Variants in ZDHHC21 observed in about 807,000 individuals in gnomAD.
ZDHHC21 encodes the protein zDHHC palmitoyltransferase 21.
Under a neutral mutation model 34.6 loss-of-function variants are expected in ZDHHC21, and 15 were observed. The ratio of observed to expected loss-of-function variants is 0.43; its 90% CI spans 0.29 to 0.67. ZDHHC21 has a LOEUF of 0.67. Ranked by LOEUF, ZDHHC21 falls within the 30% of genes least tolerant of loss-of-function variation. The probability of loss-of-function intolerance (pLI) is 0.14; values close to 1 mark genes in which losing one functional copy is unlikely to be tolerated. For missense variants in ZDHHC21, 344 were observed against 327.7 expected, an observed-to-expected ratio of 1.05 and a Z score of -0.38; for synonymous variants, 142 against 101.8, an observed-to-expected ratio of 1.40 and a Z score of -2.38.
At chr9:14,686,126 C>G (rs1262307392) in intron 2 of ZDHHC21, among the ~76,000 whole-genome samples, 2 of 151,548 alleles carry the variant, frequency 1.3e-5, no homozygotes, top group Non-Finnish European at 2.9e-5. Flanking sequence ...ATGGGTGCAG[C>G]AAATCAACAT....
rs145823995 is a variant in ZDHHC21 at position 14,616,616 on chromosome 9, T to C, written c.*2350A>G. 2.6e-5 allele frequency: 4 copies of C among 151,922 alleles called. No homozygotes were observed. The highest frequency in any genetic ancestry group is 6.6e-5 in the Admixed American group (1 of 15,214). 9.4% of individuals were successfully genotyped at this position (151,922 alleles called of 1,614,324 possible). The stretch of plus-strand genomic sequence containing the variant: ...GTAGATATGCTTAGCAAACTGCCAG[T>C]TGGTTTTTCTCTAGTAGTCTAATAA... On this transcript the variant is annotated 3_prime_UTR_variant, in exon 10 of 10. Transcript: ENST00000380916.
At chr9:14,663,976 G>C (rs191002351) in intron 5 of ZDHHC21, among the ~76,000 whole-genome samples, 3 of 152,204 alleles carry the variant, frequency 2.0e-5, no homozygotes, top group South Asian at 2.1e-4. Context: ...AAACATCCCA[G>C]TGTTAAAACT....
intron 7 of ZDHHC21, among the ~76,000 whole-genome samples, chr9:14,656,564 G>A (rs1305065394): frequency 6.6e-6 from 1 of 151,786 alleles, no homozygotes; most frequent in East Asian, 1.9e-4. Flanking sequence ...CATAATCTGA[G>A]TTTTCATTTC....
intron 8 of ZDHHC21, among the ~76,000 whole-genome samples, chr9:14,623,138 A>T (rs72704911): frequency 0.12 from 17,084 of 146,788 alleles, 1,029 homozygotes; most frequent in Non-Finnish European, 0.15. Context: ...GGTAAGACAT[A>T]AAAAAAAAAG....
At chr9:14,653,722 T>C (rs1831667105) in intron 7 of ZDHHC21, among the ~76,000 whole-genome samples, 1 of 152,010 alleles carries the variant, frequency 6.6e-6, no homozygotes, top group Non-Finnish European at 1.5e-5. Flanking sequence ...ACTGTTTACA[T>C]AGACTATGAT....
Position 14,662,235 on chromosome 9 carries a change from TCTC to T in ZDHHC21, c.342_344del (p.Arg115del). ...CTTACCATGGACAGTGATGATCCAT[TCTC>T]CTCACACAGTGGCCGCAGCGGCTAC... On this transcript the variant is annotated inframe_deletion, in exon 6 of 10. Transcript: ENST00000380916. The T allele has an allele frequency of 6.2e-7, 1 of 1,611,092 alleles. No homozygotes were observed. The highest frequency in any genetic ancestry group is 8.5e-7 in the Non-Finnish European group (1 of 1,178,720).
chr9:14,589,282 G>C, the ZDHHC21 span: 9 of 152,106 alleles, frequency 5.9e-5, no homozygotes, highest in African/African-American at 1.7e-4. Flanking sequence ...CCTGTAACAA[G>C]AAAGAATTGG....
chr9:14,612,526 T>C lies in ZDHHC21; in HGVS notation c.*6440A>G, dbSNP rs1021549361. The C allele has an allele frequency of 1.3e-5, 2 of 152,122 alleles. No individual in the cohort carries two copies. Among genetic ancestry groups the C allele is most frequent in the East Asian group, 1.9e-4 (1 of 5,182 alleles). 9.4% of individuals were successfully genotyped at this position (152,122 alleles called of 1,614,324 possible). Reference sequence around the variant, plus strand: ...ACTTAAAGGGTGTTTCTCTTCATTTTTGTAAAATTAACTACTAAGCAAAAT... The same window carrying C: ...ACTTAAAGGGTGTTTCTCTTCATTTCTGTAAAATTAACTACTAAGCAAAAT... On this transcript the variant is annotated 3_prime_UTR_variant, in exon 10 of 10. Transcript: ENST00000380916.
In ZDHHC21 at chr9:14,684,833, T is replaced by C. The variant is rs1002735703; in HGVS notation, c.-175-4671A>G. ...CAAGGCTACAGTAACCAAAACACCA[T>C]GGTACTGGTACCAAAACAGAGATAC... On this transcript the variant is annotated intron_variant, in intron 2 of 9. Transcript: ENST00000380916. Among the ~76,000 whole-genome samples, 7 of 152,144 alleles carry C rather than the reference T, an allele frequency of 4.6e-5. No homozygotes were observed. The East Asian group carries it at 7.7e-4, about 17-fold the overall frequency.
intron 8 of ZDHHC21, among the ~76,000 whole-genome samples, chr9:14,628,394 A>T (rs935084041): frequency 1.3e-5 from 2 of 152,194 alleles, no homozygotes; most frequent in Non-Finnish European, 2.9e-5. Context: ...ATGGTAAAAA[A>T]TTACTGAAAA....
At position 14,618,759 on chromosome 9, in the gene ZDHHC21, A is replaced by G; in HGVS notation, c.*207T>C. 1 of 440,974 alleles carries G rather than the reference A, an allele frequency of 2.3e-6. No homozygotes were observed. The highest frequency in any genetic ancestry group is 3.7e-6 in the Non-Finnish European group (1 of 268,798). The allele number at this position is 440,974 out of a possible 1,614,324, so 27.3% of individuals were successfully genotyped here. On this transcript the variant is annotated 3_prime_UTR_variant, in exon 10 of 10. Transcript: ENST00000380916. ...CCTGTGGAAAGCTAATTTGAAAGTA[A>G]ACATGCTTTAAAACTTAAATATAGA... is the stretch of plus-strand genomic sequence containing the variant.
intron 8 of ZDHHC21, among the ~76,000 whole-genome samples, chr9:14,632,309 T>A (rs1441112869): frequency 6.6e-6 from 1 of 152,130 alleles, no homozygotes; most frequent in Non-Finnish European, 1.5e-5. Flanking sequence ...AAATATCTAG[T>A]TAATTTTCAA....
chr9:14,664,559 C>G (rs1467952463), intron 5 of ZDHHC21, among the ~76,000 whole-genome samples: 1 of 151,358 alleles, frequency 6.6e-6, no homozygotes, highest in Non-Finnish European at 1.5e-5. Flanking sequence ...GGGGGCAGGG[C>G]ACAGACAAAC....
chr9:14,649,110 G>A (rs536151579), intron 7 of ZDHHC21, among the ~76,000 whole-genome samples: 28 of 151,894 alleles, frequency 1.8e-4, no homozygotes, highest in Middle Eastern at 3.4e-3. Flanking sequence ...CCCTAGCTGC[G>A]ACAACCAAAA....
chr9:14,590,529 A>G, the ZDHHC21 span, among the ~76,000 whole-genome samples: 2 of 152,176 alleles, frequency 1.3e-5, no homozygotes, highest in Non-Finnish European at 2.9e-5. Flanking sequence ...TATTGAATAA[A>G]AGAAAAAAAT....
chr9:14,671,079 C>T (rs1388560833), intron 5 of ZDHHC21, among the ~76,000 whole-genome samples: 2 of 151,956 alleles, frequency 1.3e-5, no homozygotes, highest in African/African-American at 4.8e-5. Context: ...CTAACAGATA[C>T]ATTTTTAAGG....
chr9:14,690,833 T>C (rs1839051130), intron 1 of ZDHHC21, among the ~76,000 whole-genome samples: 1 of 152,222 alleles, frequency 6.6e-6, no homozygotes, highest in African/African-American at 2.4e-5. Context: ...AAAACTGTTT[T>C]ACAATTTCAC....
At chr9:14,663,077 C>T (rs528281065) in intron 5 of ZDHHC21, among the ~76,000 whole-genome samples, 7 of 152,274 alleles carry the variant, frequency 4.6e-5, no homozygotes, top group African/African-American at 1.4e-4. Context: ...GCCAAAAACA[C>T]AAAGTTTGCA....
At position 14,619,687 on chromosome 9, in the gene ZDHHC21, T is replaced by C. The variant is rs1824933578; in HGVS notation, c.622-5A>G. 7.4e-7 allele frequency: 1 copy of C among 1,344,158 alleles called. No individual in the cohort carries two copies. Among genetic ancestry groups the C allele is most frequent in the Non-Finnish European group, 1.0e-6 (1 of 976,244 alleles). 83.3% of individuals were successfully genotyped at this position (1,344,158 alleles called of 1,614,324 possible). A position where few individuals can be genotyped will look rare whatever the true frequency, so the allele number is the denominator to read the frequency against. On this transcript the variant is annotated splice_region_variant and splice_polypyrimidine_tract_variant and intron_variant, in intron 8 of 9. Coordinates refer to ENST00000380916, the MANE Select transcript of ZDHHC21 (RefSeq NM_178566.6). ...CTTTTCAATAGATGTTGTATCCTAT[T>C]AAAAATAAAAAATTATATTCAGATG...
Sources: gnomAD v4.1 joint callset for allele counts (sites outside exome capture counted in the v4.1 genomes callset) on GRCh38, gnomAD v4.1.1 for gene constraint, MANE v1.5 for transcripts, NCBI Gene and HGNC (gene_info 2026-07-23, HGNC 2026-07-21) for gene names.